GPC5: variants seen among roughly 807,000 people sequenced by gnomAD.
GPC5 encodes the protein glypican 5.
In GPC5, 47 loss-of-function variants were observed where a neutral mutation model predicts 53.9. That is an observed-to-expected ratio of 0.87 (90% CI 0.69 to 1.11). The LOEUF is 1.11. GPC5 is among the 50% of genes most tolerant of loss of function. The pLI is 0.00. For synonymous variants in GPC5, 286 were observed against 263.3 expected (o/e 1.09, Z -0.84); for missense variants, 748 against 713.1 (o/e 1.05, Z -0.56).
At chr13:92,056,969 C>T (rs962279289) in intron 6 of GPC5, among the ~76,000 whole-genome samples, 7 of 152,116 alleles carry the variant, frequency 4.6e-5, no homozygotes, top group Admixed American at 1.3e-4. Flanking sequence ...CTGTAAAGAC[C>T]TCTTACTCCC....
chr13:92,857,565 T>G (rs1252036698), intron 7 of GPC5, among the ~76,000 whole-genome samples: 1 of 152,106 alleles, frequency 6.6e-6, no homozygotes, highest in Non-Finnish European at 1.5e-5. Flanking sequence ...TTACAACCTA[T>G]GCATCTGTCA....
intron 7 of GPC5, among the ~76,000 whole-genome samples, chr13:92,415,987 G>C (rs775546888): frequency 6.0e-4 from 91 of 152,164 alleles, no homozygotes; most frequent in Non-Finnish European, 1.2e-3. Flanking sequence ...AACAAATATA[G>C]ACAGCTTTTT....
intron 7 of GPC5, among the ~76,000 whole-genome samples, chr13:92,364,546 T>A (rs530013411): frequency 6.6e-6 from 1 of 151,672 alleles, no homozygotes; most frequent in East Asian, 1.9e-4. Context: ...CTGGCTAACA[T>A]GGTGAAACCC....
In GPC5 at chr13:91,993,794, G is replaced by A. The variant is rs1032039657; in HGVS notation, c.1401+85737G>A. On this transcript the variant is annotated intron_variant, in intron 6 of 7. Transcript: ENST00000377067. ...AAGTCTTCATTCATGTTATTTCAGA[G>A]TGTCAGTTGTAGTGCAGAACTTCAG... 3.9e-5 allele frequency among the ~76,000 whole-genome samples: 6 copies of A among 152,190 alleles called. No homozygotes were observed. In the East Asian group the frequency reaches 7.7e-4, roughly 20 times the overall value.
At chr13:91,725,362 T>C (rs539003521) in intron 3 of GPC5, among the ~76,000 whole-genome samples, 8 of 152,060 alleles carry the variant, frequency 5.3e-5, no homozygotes, top group Non-Finnish European at 1.0e-4. Context: ...TCAACGTAAG[T>C]GTGAAGGTTT....
intron 7 of GPC5, among the ~76,000 whole-genome samples, chr13:92,610,513 TGAGGCA>T (rs1314050687): frequency 6.6e-6 from 1 of 152,212 alleles, no homozygotes; most frequent in Non-Finnish European, 1.5e-5. Context: ...AGTGTCGCAC[TGAGGCA>T]GCTTATGCAC....
intron 7 of GPC5, among the ~76,000 whole-genome samples, chr13:92,514,575 T>A (rs912307717): frequency 2.0e-4 from 31 of 152,124 alleles, no homozygotes; most frequent in African/African-American, 7.5e-4. Context: ...TGGAGGCACA[T>A]AAAGGCAAAT....
At chr13:92,254,192 T>C (rs1321291802) in intron 7 of GPC5, among the ~76,000 whole-genome samples, 1 of 152,154 alleles carries the variant, frequency 6.6e-6, no homozygotes, top group Non-Finnish European at 1.5e-5. Flanking sequence ...GTTTCCCCAT[T>C]GGATGAACCA....
intron 2 of GPC5, among the ~76,000 whole-genome samples, chr13:91,454,336 A>G (rs1881391233): frequency 6.6e-6 from 1 of 152,050 alleles, no homozygotes. Flanking sequence ...TACTTTTCCA[A>G]GTTTCTTTTT....
chr13:91,986,572 T>A (rs1405476713), intron 6 of GPC5, among the ~76,000 whole-genome samples: 1 of 152,212 alleles, frequency 6.6e-6, no homozygotes. Context: ...GCAGCAAGCA[T>A]GACATGACTC....
chr13:92,175,311 A>G (rs1454065278), intron 7 of GPC5, among the ~76,000 whole-genome samples: 1 of 152,200 alleles, frequency 6.6e-6, no homozygotes, highest in East Asian at 1.9e-4. Context: ...GTTTACATCT[A>G]TACCATATTT....
chr13:91,492,204 A>T (rs376595696), intron 2 of GPC5, among the ~76,000 whole-genome samples: 2 of 152,220 alleles, frequency 1.3e-5, no homozygotes, highest in Admixed American at 1.3e-4. Flanking sequence ...CCTGGTGATC[A>T]TAATTTTTAG....
chr13:92,268,998 C>T (rs2042822043), intron 7 of GPC5, among the ~76,000 whole-genome samples: 1 of 151,820 alleles, frequency 6.6e-6, no homozygotes, highest in South Asian at 2.1e-4. Context: ...TATAGGACTT[C>T]TTAATTTAGT....
rs542552163 is a variant in GPC5 at position 92,814,048 on chromosome 13, A to G, written c.1562-52234A>G. On this transcript the variant is annotated intron_variant, in intron 7 of 7. Transcript: ENST00000377067. ...CAAGACAGACATGTGGATGAAAGGA[A>G]CAGAATTAAGTGCACAGAACCTGTA... is the stretch of plus-strand genomic sequence containing the variant. Among the ~76,000 whole-genome samples the G allele has an allele frequency of 2.8e-4, 43 of 152,166 alleles. 1 individual carries two copies. The highest frequency in any genetic ancestry group is 1.0e-3 in the African/African-American group (42 of 41,420).
chr13:92,495,374 T>C (rs564741014), intron 7 of GPC5, among the ~76,000 whole-genome samples: 9 of 152,294 alleles, frequency 5.9e-5, no homozygotes, highest in African/African-American at 2.2e-4. Flanking sequence ...TCCTCCCATA[T>C]TTGGTGACTT....
intron 7 of GPC5, among the ~76,000 whole-genome samples, chr13:92,778,032 A>G (rs553794116): frequency 7.2e-5 from 11 of 152,350 alleles, no homozygotes; most frequent in African/African-American, 2.6e-4. Flanking sequence ...TTGTTAGGAT[A>G]AACTATTGGG....
At chr13:92,694,215 C>T (rs1317314974) in intron 7 of GPC5, among the ~76,000 whole-genome samples, 2 of 152,190 alleles carry the variant, frequency 1.3e-5, no homozygotes, top group African/African-American at 2.4e-5. Context: ...CATGGAGAAC[C>T]TCTACTAGGG....
At chr13:91,722,804 C>A (rs1237637392) in intron 3 of GPC5, among the ~76,000 whole-genome samples, 4 of 152,118 alleles carry the variant, frequency 2.6e-5, no homozygotes, top group African/African-American at 9.7e-5. Flanking sequence ...CATAAACATA[C>A]CTCTAATTCT....
At chr13:92,828,044 GA>G (rs1877912296) in intron 7 of GPC5, among the ~76,000 whole-genome samples, 1 of 152,084 alleles carries the variant, frequency 6.6e-6, no homozygotes, top group South Asian at 2.1e-4. Flanking sequence ...AAAGCATAGA[GA>G]AAGAAACAGG....
Sources: gnomAD v4.1 joint callset for allele counts (sites outside exome capture counted in the v4.1 genomes callset) on GRCh38, gnomAD v4.1.1 for gene constraint, MANE v1.5 for transcripts, NCBI Gene and HGNC (gene_info 2026-07-23, HGNC 2026-07-21) for gene names.